The following RBPMS variants were observed in gnomAD, a reference collection of about 807,000 sequenced individuals.
RBPMS encodes the protein RNA binding protein, mRNA processing factor.
Under a neutral mutation model 26.8 loss-of-function variants are expected in RBPMS, and 7 were observed. The observed-to-expected ratio is 0.26, with a 90% confidence interval of 0.15 to 0.49. The LOEUF (loss-of-function observed/expected upper bound fraction) is 0.49, where lower values mean the gene tolerates loss of function less well. RBPMS is among the 20% of genes least tolerant of loss of function. The pLI, the probability that RBPMS is intolerant of heterozygous loss-of-function variation, is 0.98. For missense variants in RBPMS, 186 were observed against 250.0 expected (o/e 0.74, Z 1.73); for synonymous variants, 96 against 93.3 (o/e 1.03, Z -0.17).
intron 1 of RBPMS, among the ~76,000 whole-genome samples, chr8:30,391,276 G>A (rs937081124): frequency 5.9e-5 from 9 of 152,206 alleles, no homozygotes; most frequent in African/African-American, 1.9e-4. Flanking sequence ...TGACCTTTTG[G>A]ACGAGGGCTT....
chr8:30,554,884 C>T (rs1826721619), intron 6 of RBPMS, among the ~76,000 whole-genome samples: 1 of 152,128 alleles, frequency 6.6e-6, no homozygotes, highest in Non-Finnish European at 1.5e-5. Context: ...GATTCAGCCC[C>T]TAGAAAGGGG....
At chr8:30,432,270 T>C (rs547674860) in intron 1 of RBPMS, among the ~76,000 whole-genome samples, 1 of 152,242 alleles carries the variant, frequency 6.6e-6, no homozygotes, top group Non-Finnish European at 1.5e-5. Flanking sequence ...GTAACTATTT[T>C]CTATCCCATT....
chr8:30,507,087 A>G (rs1426936337), intron 5 of RBPMS, among the ~76,000 whole-genome samples: 1 of 152,154 alleles, frequency 6.6e-6, no homozygotes, highest in East Asian at 1.9e-4. Flanking sequence ...CACCTGCTCT[A>G]TTTGTGCCAG....
chr8:30,566,954 G>T (rs1292100772), intron 8 of RBPMS, among the ~76,000 whole-genome samples: 2 of 152,126 alleles, frequency 1.3e-5, no homozygotes, highest in Non-Finnish European at 2.9e-5. Flanking sequence ...TGTCTTTTCA[G>T]TCGGTATCAC....
At chr8:30,537,999 G>A (rs1824976618) in intron 5 of RBPMS, among the ~76,000 whole-genome samples, 1 of 152,184 alleles carries the variant, frequency 6.6e-6, no homozygotes, top group Non-Finnish European at 1.5e-5. Context: ...AGTTTGATGA[G>A]TTTAGGGTGT....
At chr8:30,455,435 T>TA (rs77006026) in intron 1 of RBPMS, among the ~76,000 whole-genome samples, 100,030 of 150,688 alleles carry the variant, frequency 0.66, 33,775 homozygotes, top group Middle Eastern at 0.79. Flanking sequence ...GTGAAACAAT[T>TA]AAAAAAAAAG....
chr8:30,549,832 TTTC>T (rs1193242652), intron 6 of RBPMS, among the ~76,000 whole-genome samples: 1 of 142,134 alleles, frequency 7.0e-6, no homozygotes, highest in Non-Finnish European at 1.5e-5. Flanking sequence ...CTCTCTTTTC[TTTC>T]TTTTCTTTCT....
chr8:30,562,087 T>C (rs1827539211), intron 7 of RBPMS: 1 of 967,352 alleles, frequency 1.0e-6, no homozygotes. Flanking sequence ...TCCCAGCACT[T>C]TGGGAGGCTG....
chr8:30,466,272 G>A (rs958788144), intron 1 of RBPMS, among the ~76,000 whole-genome samples: 2 of 152,172 alleles, frequency 1.3e-5, no homozygotes, highest in Admixed American at 6.5e-5. Context: ...AATAGCCTAG[G>A]TGTGATAGCT....
chr8:30,492,732 T>G (rs1819527618), intron 4 of RBPMS, among the ~76,000 whole-genome samples: 1 of 152,246 alleles, frequency 6.6e-6, no homozygotes, highest in Non-Finnish European at 1.5e-5. Context: ...CTGGATTCAC[T>G]ATGTAACCAA....
intron 6 of RBPMS, chr8:30,545,432 C>T: frequency 9.8e-7 from 1 of 1,016,990 alleles, no homozygotes; most frequent in Middle Eastern, 4.9e-4. Context: ...CATTCTTTGG[C>T]CTGCAAAGAT....
chr8:30,488,778 A>G (rs904374698), intron 4 of RBPMS, among the ~76,000 whole-genome samples: 1 of 152,242 alleles, frequency 6.6e-6, no homozygotes, highest in Non-Finnish European at 1.5e-5. Context: ...GTATTTCTGC[A>G]TAACATCAAG....
intron 1 of RBPMS, among the ~76,000 whole-genome samples, chr8:30,468,918 T>C (rs75089101): frequency 1.5e-4 from 23 of 152,228 alleles, no homozygotes; most frequent in Non-Finnish European, 3.1e-4. Flanking sequence ...TAAGTAACTA[T>C]ACAGTCATTC....
At chr8:30,435,667 G>A (rs1639164363) in intron 1 of RBPMS, among the ~76,000 whole-genome samples, 3 of 152,204 alleles carry the variant, frequency 2.0e-5, no homozygotes, top group Admixed American at 2.0e-4. Flanking sequence ...AGCCAATGGG[G>A]ATGTATGCAC....
intron 4 of RBPMS, among the ~76,000 whole-genome samples, chr8:30,484,033 C>T (rs1440895330): frequency 2.6e-5 from 4 of 152,012 alleles, no homozygotes; most frequent in African/African-American, 7.2e-5. Flanking sequence ...TTGGCTATTG[C>T]GAATAAGGCT....
At chr8:30,540,283 C>A (rs1825247016) in intron 5 of RBPMS, among the ~76,000 whole-genome samples, 1 of 152,046 alleles carries the variant, frequency 6.6e-6, no homozygotes, top group Non-Finnish European at 1.5e-5. Flanking sequence ...TGATCCCAGA[C>A]CATGAGGGAG....
intron 8 of RBPMS, among the ~76,000 whole-genome samples, chr8:30,567,017 T>C (rs1037458264): frequency 6.6e-6 from 1 of 152,098 alleles, no homozygotes; most frequent in African/African-American, 2.4e-5. Context: ...CTAAAAAAAA[T>C]CCTCCTGTAG....
rs367843710 is a variant in RBPMS at position 30,544,589 on chromosome 8, C to G, written c.493C>G (p.Pro165Ala). Residue 165 changes from proline to alanine, a missense_variant, in exon 6 of 9, where the codon CCT (proline) becomes GCT (alanine). Physicochemically the swap from Pro to Ala is conservative, Grantham distance 27. Coordinates refer to ENST00000397323, the MANE Select transcript of RBPMS (RefSeq NM_001008710.3). ...GGAGTTAGCGCCTGCTCTACCTCCT[C>G]CTGCTTTCACCTATCCCGCTTCACT... Reference protein sequence around the residue: ...PAELAPALPPPAFTYPASLHA... With the variant: ...PAELAPALPPAAFTYPASLHA... 6.2e-7 allele frequency: 1 copy of G among 1,614,194 alleles called. No homozygotes were observed. The highest frequency in any genetic ancestry group is 8.5e-7 in the Non-Finnish European group (1 of 1,180,046).
chr8:30,553,571 T>C (rs1327684893), intron 6 of RBPMS: 1 of 152,212 alleles, frequency 6.6e-6, no homozygotes, highest in Non-Finnish European at 1.5e-5. Context: ...AGGGCAGAGC[T>C]GATGGTAGGT....
Sources: gnomAD v4.1 joint callset for allele counts (sites outside exome capture counted in the v4.1 genomes callset) on GRCh38, gnomAD v4.1.1 for gene constraint, MANE v1.5 for transcripts, NCBI Gene and HGNC (gene_info 2026-07-23, HGNC 2026-07-21) for gene names.